B4GALNT3: variants seen among roughly 807,000 people sequenced by gnomAD.
B4GALNT3 encodes beta-1,4-N-acetylgalactosaminyltransferase 3.
In B4GALNT3, 86 loss-of-function variants were observed where a neutral mutation model predicts 120.2. That is an observed-to-expected ratio of 0.72 (90% CI 0.60 to 0.86). The LOEUF is 0.86. B4GALNT3 is among the 40% of genes least tolerant of loss of function. The pLI is 0.00. For synonymous variants in B4GALNT3, 518 were observed against 510.4 expected (o/e 1.01, Z -0.20); for missense variants, 1,167 against 1,298.9 (o/e 0.90, Z 1.56).
At chr12:476,514 G>A (rs1413382227) in intron 1 of B4GALNT3, among the ~76,000 whole-genome samples, 1 of 152,174 alleles carries the variant, frequency 6.6e-6, no homozygotes, top group Non-Finnish European at 1.5e-5. Flanking sequence ...GGGAGGCTGA[G>A]GCAGGTGGAT....
intron 1 of B4GALNT3, among the ~76,000 whole-genome samples, chr12:511,472 T>TC (rs1189308594): frequency 3.7e-5 from 1 of 27,040 alleles, no homozygotes; most frequent in South Asian, 1.5e-3. Flanking sequence ...CCTTCCACCT[T>TC]CTTCCACCTT....
rs544229307 is a variant in B4GALNT3, at chr12:521,061, G to A, written c.170-14105G>A. On this transcript the variant is annotated intron_variant, in intron 1 of 19. Coordinates refer to ENST00000266383, the MANE Select transcript of B4GALNT3 (RefSeq NM_173593.4). ...TTGCATTAAAAACGTAATGACTCTC[G>A]GAGAAGTCACACCCCCGGTTCAGGA... Among the ~76,000 whole-genome samples, 5 of 152,116 alleles carry A rather than the reference G, an allele frequency of 3.3e-5. No homozygotes were observed. In the East Asian group the frequency reaches 7.7e-4, roughly 23 times the overall value.
chr12:512,016 T>C (rs1946577223), intron 1 of B4GALNT3, among the ~76,000 whole-genome samples: 1 of 133,538 alleles, frequency 7.5e-6, no homozygotes, highest in African/African-American at 3.0e-5. Context: ...CCTTCCACCT[T>C]CCGCCTTCCA....
intron 1 of B4GALNT3, among the ~76,000 whole-genome samples, chr12:521,778 G>T (rs1458742013): frequency 1.3e-5 from 2 of 152,144 alleles, no homozygotes; most frequent in Non-Finnish European, 2.9e-5. Flanking sequence ...TCCTGTACCG[G>T]CCTCACTGAG....
At chr12:538,780 G>A (rs1946886894) in intron 3 of B4GALNT3, among the ~76,000 whole-genome samples, 1 of 152,262 alleles carries the variant, frequency 6.6e-6, no homozygotes, top group East Asian at 1.9e-4. Context: ...ACCACACGCA[G>A]TCACACAGCT....
At chr12:524,378 A>T (rs900597921) in intron 1 of B4GALNT3, among the ~76,000 whole-genome samples, 8 of 152,200 alleles carry the variant, frequency 5.3e-5, no homozygotes, top group African/African-American at 1.9e-4. Context: ...AATGTACCTT[A>T]TTTGTTTTCA....
At chr12:468,493 A>G (rs1946104272) in intron 1 of B4GALNT3, among the ~76,000 whole-genome samples, 1 of 152,238 alleles carries the variant, frequency 6.6e-6, no homozygotes, top group African/African-American at 2.4e-5. Flanking sequence ...TGTTGAAAAC[A>G]GTGACACCAT....
intron 1 of B4GALNT3, among the ~76,000 whole-genome samples, chr12:473,075 C>T (rs916283360): frequency 1.3e-5 from 2 of 151,710 alleles, no homozygotes; most frequent in Non-Finnish European, 2.9e-5. Flanking sequence ...CTTAAGCAAT[C>T]CTCCTGCCTT....
Position 547,032 on chromosome 12 carries a change from C to T in B4GALNT3, c.707+319C>T, listed in dbSNP as rs79654265. 1.1e-3 allele frequency among the ~76,000 whole-genome samples: 167 copies of T among 152,348 alleles called. 1 individual carries two copies. The highest frequency in any genetic ancestry group is 1.9e-3 in the Non-Finnish European group (131 of 68,032). ...TCTCCACACCCACAACAGCCTGGAC[C>T]CCGGACCGAGGTCCCCCTCGGTCGT... On this transcript the variant is annotated intron_variant, in intron 7 of 19. Transcript: ENST00000266383.
intron 2 of B4GALNT3, 96 bp from the exon 3 acceptor site, chr12:536,122 C>A: frequency 2.1e-6 from 2 of 952,976 alleles, no homozygotes; most frequent in Non-Finnish European, 3.4e-6. Flanking sequence ...GTGCTCCGAG[C>A]CGACGCCTCC....
chr12:553,088 T>A (rs1947103048), intron 13 of B4GALNT3, 106 bp from the exon 14 acceptor site: 2 of 1,491,860 alleles, frequency 1.3e-6, no homozygotes, highest in Admixed American at 2.0e-5. Context: ...AACCCCAGTC[T>A]GGAGCCCCAT....
At chr12:477,284 G>A (rs1045027286) in intron 1 of B4GALNT3, among the ~76,000 whole-genome samples, 1 of 152,098 alleles carries the variant, frequency 6.6e-6, no homozygotes, top group Non-Finnish European at 1.5e-5. Flanking sequence ...GTAGTATATT[G>A]TGCCTGCATA....
intron 1 of B4GALNT3, among the ~76,000 whole-genome samples, chr12:529,143 C>T (rs1314816697): frequency 6.6e-6 from 1 of 152,148 alleles, no homozygotes; most frequent in Non-Finnish European, 1.5e-5. Flanking sequence ...AGGGACAAGC[C>T]CTTTCTAATG....
chr12:556,688 G>A lies in B4GALNT3; in HGVS notation c.2202G>A (p.Trp734Ter), dbSNP rs772572885. 4 of 1,613,810 alleles carry A rather than the reference G, an allele frequency of 2.5e-6. No homozygotes were observed. The South Asian group carries it at 4.4e-5, about 18-fold the overall frequency. ...RLSEYVSARG[W>*]QGIDPAGGEE... ...CGGAGTATGTGTCTGCACGAGGCTG[G>A]CAGGGCATCGATCCAGCTGGTGGGG... is the stretch of plus-strand genomic sequence containing the variant. Residue 734 changes from tryptophan to a stop codon, truncating the protein, a stop_gained, in exon 15 of 20, where the codon TGG (tryptophan) becomes TGA (stop). Coordinates refer to ENST00000266383, the MANE Select transcript of B4GALNT3 (RefSeq NM_173593.4). LOFTEE classifies it high-confidence loss of function.
chr12:546,217 G>A (rs2120701265), intron 6 of B4GALNT3, among the ~76,000 whole-genome samples: 1 of 121,538 alleles, frequency 8.2e-6, no homozygotes, highest in South Asian at 3.1e-4. Context: ...GAGGGAGGGG[G>A]GTGTGGGAGG....
chr12:558,794 TC>T, intron 18 of B4GALNT3, 133 bp downstream of exon 18: 1 of 994,956 alleles, frequency 1.0e-6, no homozygotes, highest in Non-Finnish European at 1.4e-6. Context: ...CCTGTGGCCT[TC>T]ACTCCCCGGA....
Position 462,903 on chromosome 12 carries a change from G to GGA in B4GALNT3, c.169+2362_169+2363dup, listed in dbSNP as rs1946035720. On this transcript the variant is annotated intron_variant, in intron 1 of 19. Transcript: ENST00000266383. ...TCAGCTCAGAGCTATTCCTCTGGAG[G>GGA]GAGAGCCAGGGAGGAGGCATTAGGA... Among the ~76,000 whole-genome samples the GGA allele has an allele frequency of 2.0e-5, 3 of 152,136 alleles. No individual in the cohort carries two copies. The South Asian group carries it at 6.2e-4, about 32-fold the overall frequency.
intron 11 of B4GALNT3, among the ~76,000 whole-genome samples, chr12:551,599 G>A (rs771618184): frequency 2.6e-5 from 4 of 152,196 alleles, no homozygotes; most frequent in Non-Finnish European, 5.9e-5. Flanking sequence ...TGGCTGGGGT[G>A]TAATTGAGAA....
chr12:535,952 GAGGTCCCTGCCCTC>G (rs1946854329), intron 2 of B4GALNT3, among the ~76,000 whole-genome samples: 1 of 151,934 alleles, frequency 6.6e-6, no homozygotes, highest in Non-Finnish European at 1.5e-5. Flanking sequence ...AGAGGGAGCC[GAGGTCCCTGCCCTC>G]AAGAGGTCCT....
Sources: allele counts gnomAD v4.1 joint callset (sites outside exome capture counted in the v4.1 genomes callset), GRCh38; gene constraint gnomAD v4.1.1; transcripts MANE v1.5; gene names NCBI Gene and HGNC (gene_info 2026-07-23, HGNC 2026-07-21).